The following CFDP1 variants were observed in gnomAD, a reference collection of about 807,000 sequenced individuals.
CFDP1 encodes the protein heterochromatin-stabilizing protein CFDP1.
In CFDP1, 31 loss-of-function variants were observed where a neutral mutation model predicts 40.1. That is an observed-to-expected ratio of 0.77 (90% CI 0.58 to 1.04). The LOEUF (loss-of-function observed/expected upper bound fraction) is 1.04, where lower values mean the gene tolerates loss of function less well. CFDP1 is among the 50% of genes least tolerant of loss of function. CFDP1 has a pLI of 0.00. For missense variants in CFDP1, 423 were observed against 343.4 expected (o/e 1.23, Z -1.83); for synonymous variants, 167 against 120.0 (o/e 1.39, Z -2.56).
intron 5 of CFDP1, among the ~76,000 whole-genome samples, chr16:75,328,033 C>G (rs531080156): frequency 6.6e-6 from 1 of 150,796 alleles, no homozygotes; most frequent in African/African-American, 2.4e-5. Context: ...CCCGGCAACA[C>G]CAAATTATAA....
chr16:75,381,510 T>A (rs1297109275), intron 5 of CFDP1, among the ~76,000 whole-genome samples: 1 of 152,094 alleles, frequency 6.6e-6, no homozygotes, highest in Non-Finnish European at 1.5e-5. Flanking sequence ...ACACTGAGGT[T>A]GGGGCTCAAC....
chr16:75,340,733 T>C lies in CFDP1; in HGVS notation c.651-35551A>G, dbSNP rs1170013036. Reference sequence around the variant, plus strand: ...CTTCTCTGTCACAGATTCTTTTCTGTCTTCTGTTTTTCATCTGCTGAGTAA... The same window carrying C: ...CTTCTCTGTCACAGATTCTTTTCTGCCTTCTGTTTTTCATCTGCTGAGTAA... On this transcript the variant is annotated intron_variant, in intron 5 of 6. Coordinates refer to ENST00000283882, the MANE Select transcript of CFDP1 (RefSeq NM_006324.3). Among the ~76,000 whole-genome samples the C allele has an allele frequency of 7.2e-5, 11 of 152,220 alleles. 1 individual carries two copies.
chr16:75,373,365 T>A (rs1016958827), intron 5 of CFDP1, among the ~76,000 whole-genome samples: 7 of 152,212 alleles, frequency 4.6e-5, no homozygotes, highest in African/African-American at 1.7e-4. Flanking sequence ...TGACTGGCCT[T>A]ATACCAAGTT....
Position 75,360,185 on chromosome 16 carries a change from C to T in CFDP1, c.650+34905G>A, listed in dbSNP as rs1347590069. Reference sequence around the variant, plus strand: ...CTGGGATTACAGGCATGAGCCACTGCGCCCAGCCCAGATTTTGGTTTCTAA... The same window carrying T: ...CTGGGATTACAGGCATGAGCCACTGTGCCCAGCCCAGATTTTGGTTTCTAA... On this transcript the variant is annotated intron_variant, in intron 5 of 6. Coordinates refer to ENST00000283882, the MANE Select transcript of CFDP1 (RefSeq NM_006324.3). Among the ~76,000 whole-genome samples the T allele has an allele frequency of 9.9e-5, 15 of 152,282 alleles. No individual in the cohort carries two copies. In the South Asian group the frequency reaches 1.0e-3, roughly 11 times the overall value.
Position 75,355,872 on chromosome 16 carries a change from T to G in CFDP1, c.650+39218A>C, listed in dbSNP as rs547920587. Among the ~76,000 whole-genome samples the G allele has an allele frequency of 2.0e-5, 3 of 152,372 alleles. No individual in the cohort carries two copies. In the East Asian group the frequency reaches 5.8e-4, roughly 29 times the overall value. On this transcript the variant is annotated intron_variant, in intron 5 of 6. Transcript: ENST00000283882. Reference sequence around the variant, plus strand: ...GAACTGAGAGTCAATTAAATCTCTTTTCTTTACAAATTACCCAGTCTCGGC... The same window carrying G: ...GAACTGAGAGTCAATTAAATCTCTTGTCTTTACAAATTACCCAGTCTCGGC...
intron 5 of CFDP1, among the ~76,000 whole-genome samples, chr16:75,312,271 C>T (rs916679189): frequency 6.6e-6 from 1 of 152,180 alleles, no homozygotes; most frequent in Non-Finnish European, 1.5e-5. Context: ...ATTGACAGTA[C>T]TCTATGGGAC....
chr16:75,300,251 G>A (rs2078213006), intron 6 of CFDP1, among the ~76,000 whole-genome samples: 3 of 152,114 alleles, frequency 2.0e-5, no homozygotes, highest in Admixed American at 2.0e-4. Context: ...GGACTTGTGG[G>A]ATGTTGGTGG....
intron 4 of CFDP1, among the ~76,000 whole-genome samples, chr16:75,396,773 A>G (rs967160778): frequency 1.4e-5 from 2 of 147,130 alleles, no homozygotes; most frequent in African/African-American, 4.9e-5. Context: ...ATAAAGAGAG[A>G]AAGAGAAATG....
At position 75,426,539 on chromosome 16, in the gene CFDP1, GGT is replaced by G. The variant is rs766057491; in HGVS notation, c.64+6748_64+6749del. Among the ~76,000 whole-genome samples, 18 of 152,186 alleles carry G rather than the reference GGT, an allele frequency of 1.2e-4. 2 individuals are homozygous for G. The highest frequency in any genetic ancestry group is 5.2e-4 in the Admixed American group (8 of 15,268). On this transcript the variant is annotated intron_variant, in intron 1 of 6. Transcript: ENST00000283882. Reference sequence around the variant, plus strand: ...AAATTTTACTCTGCAGGCCAGGCATGGTGTCTCATGCCTGTAGTCCCAGTTAC... The same window carrying G: ...AAATTTTACTCTGCAGGCCAGGCATGGTCTCATGCCTGTAGTCCCAGTTAC...
intron 1 of CFDP1, among the ~76,000 whole-genome samples, chr16:75,431,128 CATG>C (rs1444460872): frequency 6.6e-6 from 1 of 151,864 alleles, no homozygotes; most frequent in Non-Finnish European, 1.5e-5. Flanking sequence ...CAGCTGTCAA[CATG>C]ATGTTTATTC....
Position 75,396,237 on chromosome 16 carries a change from T to C in CFDP1, c.531-1028A>G, listed in dbSNP as rs909069035. On this transcript the variant is annotated intron_variant, in intron 4 of 6. Coordinates refer to ENST00000283882, the MANE Select transcript of CFDP1 (RefSeq NM_006324.3). ...ACTATTTCAAGGAGAAAAACAAGAG[T>C]TAAAAAAAAAAATTTGAGGAGACCA... is the stretch of plus-strand genomic sequence containing the variant. Among the ~76,000 whole-genome samples the C allele has an allele frequency of 3.0e-5, 3 of 101,412 alleles. 1 individual carries two copies. Among genetic ancestry groups the C allele is most frequent in the Non-Finnish European group, 7.1e-5 (3 of 42,518 alleles). 66.5% of individuals were successfully genotyped at this position (101,412 alleles called of 152,430 possible).
intron 5 of CFDP1, among the ~76,000 whole-genome samples, chr16:75,317,444 G>A (rs2078331088): frequency 6.6e-6 from 1 of 152,236 alleles, no homozygotes; most frequent in Non-Finnish European, 1.5e-5. Context: ...CAGTGTGGGA[G>A]TAAAGAAGGC....
At chr16:75,420,815 A>C (rs2079270209) in intron 1 of CFDP1, among the ~76,000 whole-genome samples, 1 of 152,220 alleles carries the variant, frequency 6.6e-6, no homozygotes, top group South Asian at 2.1e-4. Context: ...TAAAGGATTG[A>C]CATGATAGTC....
chr16:75,313,028 C>T lies in CFDP1; in HGVS notation c.651-7846G>A, dbSNP rs112713456. On this transcript the variant is annotated intron_variant, in intron 5 of 6. Coordinates refer to ENST00000283882, the MANE Select transcript of CFDP1 (RefSeq NM_006324.3). ...TCTCAGTACTAGCACCAAGAGAAAG[C>T]TAACATTCTTCTCTGTGAATAACAG... 8.2e-3 allele frequency among the ~76,000 whole-genome samples: 1,254 copies of T among 152,292 alleles called. 6 individuals are homozygous for T. The highest frequency in any genetic ancestry group is 0.014 in the Non-Finnish European group (940 of 68,020).
At chr16:75,385,532 T>C (rs2078889443) in intron 5 of CFDP1, among the ~76,000 whole-genome samples, 1 of 120,050 alleles carries the variant, frequency 8.3e-6, no homozygotes. Flanking sequence ...AGCACAATAG[T>C]AGAGTTGAAA....
intron 5 of CFDP1, among the ~76,000 whole-genome samples, chr16:75,333,307 T>C (rs1903669519): frequency 6.6e-6 from 1 of 151,468 alleles, no homozygotes; most frequent in East Asian, 2.0e-4. Flanking sequence ...GTATTTTTAG[T>C]AGAGACGGGG....
chr16:75,387,409 G>T (rs148292176), intron 5 of CFDP1, among the ~76,000 whole-genome samples: 1 of 152,180 alleles, frequency 6.6e-6, no homozygotes, highest in Non-Finnish European at 1.5e-5. Flanking sequence ...CCAAAGTGCT[G>T]GGATTACAGG....
intron 5 of CFDP1, among the ~76,000 whole-genome samples, chr16:75,320,595 T>C (rs2078355948): frequency 6.6e-6 from 1 of 152,232 alleles, no homozygotes; most frequent in Non-Finnish European, 1.5e-5. Context: ...CCAGGGCTCC[T>C]CACCCCAGAC....
intron 5 of CFDP1, among the ~76,000 whole-genome samples, chr16:75,376,403 A>C (rs2078796956): frequency 6.6e-6 from 1 of 152,208 alleles, no homozygotes; most frequent in Admixed American, 6.5e-5. Flanking sequence ...AATTTATAAA[A>C]AGCAATGAAC....
Sources: gnomAD v4.1 joint callset for allele counts (sites outside exome capture counted in the v4.1 genomes callset) on GRCh38, gnomAD v4.1.1 for gene constraint, MANE v1.5 for transcripts, NCBI Gene and HGNC (gene_info 2026-07-23, HGNC 2026-07-21) for gene names.